CYP2C19: variants seen among roughly 807,000 people sequenced by gnomAD.
CYP2C19 encodes cytochrome P450 2C19.
In CYP2C19, 59 loss-of-function variants were observed where a neutral mutation model predicts 40.9. The ratio of observed to expected loss-of-function variants is 1.44; its 90% CI spans 1.17 to 1.79. The LOEUF (loss-of-function observed/expected upper bound fraction) is 1.79. Ranked by LOEUF, CYP2C19 falls within the 40% of genes most tolerant of loss-of-function variation. CYP2C19 has a pLI of 0.00. For missense variants in CYP2C19, 754 were observed against 596.9 expected (o/e 1.26, Z -2.74); for synonymous variants, 253 against 208.7 (o/e 1.21, Z -1.83).
At chr10:94,763,203 T>G (rs1848196521) in intron 1 of CYP2C19, among the ~76,000 whole-genome samples, 1 of 152,188 alleles carries the variant, frequency 6.6e-6, no homozygotes, top group Non-Finnish European at 1.5e-5. Flanking sequence ...TGTTTGTTAT[T>G]AGAGATTTTA....
In CYP2C19 at chr10:94,775,086, C is replaced by G. The variant is rs763322365; in HGVS notation, c.197C>G (p.Thr66Ser). ...NLSKIYGPVF[T>S]LYFGLERMVV... The stretch of plus-strand genomic sequence containing the variant: ...TCAAAAATCTATGGCCCTGTGTTCA[C>G]TCTGTATTTTGGCCTGGAACGCATG... The change falls in exon 2 of 9, where the codon ACT becomes AGT. Residue 66 changes from threonine to serine, a missense_variant. By Grantham distance (58) the Thr-to-Ser change is moderately conservative. Transcript: ENST00000371321. 5.6e-6 allele frequency: 9 copies of G among 1,614,092 alleles called. No homozygotes were observed. In the South Asian group the frequency reaches 9.9e-5, roughly 18 times the overall value.
At chr10:94,828,765 T>C (rs1286047981) in intron 6 of CYP2C19, among the ~76,000 whole-genome samples, 3 of 152,262 alleles carry the variant, frequency 2.0e-5, no homozygotes, top group Admixed American at 2.0e-4. Context: ...GACTCGATGG[T>C]CTTTACATTT....
chr10:94,835,551 T>G (rs1438394450), intron 6 of CYP2C19, among the ~76,000 whole-genome samples: 1 of 152,148 alleles, frequency 6.6e-6, no homozygotes, highest in Non-Finnish European at 1.5e-5. Flanking sequence ...TCTTTTGGCC[T>G]CAATATCTGC....
rs1471078302 is a variant in CYP2C19, at chr10:94,855,449, A to G, written c.*2535A>G. On this transcript the variant is annotated 3_prime_UTR_variant, in exon 9 of 9. Transcript: ENST00000371321. ...TGTTTGTATTTCTTCCCTAAAATACATATTTCATATGAGAAGAGAACTTTA... is the reference window on the plus strand; with the variant it reads ...TGTTTGTATTTCTTCCCTAAAATACGTATTTCATATGAGAAGAGAACTTTA... 6.6e-6 allele frequency among the ~76,000 whole-genome samples: 1 copy of G among 152,256 alleles called. No individual in the cohort carries two copies.
At chr10:94,799,755 G>A (rs1848738265) in intron 5 of CYP2C19, among the ~76,000 whole-genome samples, 1 of 151,824 alleles carries the variant, frequency 6.6e-6, no homozygotes, top group Non-Finnish European at 1.5e-5. Flanking sequence ...TAATTAATTT[G>A]ATATTTGATC....
chr10:94,774,967 AC>A, intron 1 of CYP2C19, 90 bp from the exon 2 acceptor site: 1 of 1,365,708 alleles, frequency 7.3e-7, no homozygotes, highest in Non-Finnish European at 1.0e-6. Flanking sequence ...ATAAAAGCAT[AC>A]AAATACAATG....
At chr10:94,796,703 T>C (rs1848693599) in intron 5 of CYP2C19, among the ~76,000 whole-genome samples, 1 of 152,154 alleles carries the variant, frequency 6.6e-6, no homozygotes, top group African/African-American at 2.4e-5. Flanking sequence ...CTTGAAGAGG[T>C]CCTTAACATC....
At chr10:94,799,585 G>A (rs1331951576) in intron 5 of CYP2C19, among the ~76,000 whole-genome samples, 1 of 152,108 alleles carries the variant, frequency 6.6e-6, no homozygotes, top group African/African-American at 2.4e-5. Flanking sequence ...ACTTCCTGAA[G>A]AGTGTTTTCC....
intron 5 of CYP2C19, among the ~76,000 whole-genome samples, chr10:94,796,550 A>T (rs891070762): frequency 2.0e-5 from 3 of 152,090 alleles, no homozygotes; most frequent in African/African-American, 7.2e-5. Context: ...TGGTATCTTG[A>T]TGGGGATGGC....
At chr10:94,822,532 C>T (rs544874649) in intron 6 of CYP2C19, among the ~76,000 whole-genome samples, 10 of 152,198 alleles carry the variant, frequency 6.6e-5, no homozygotes, top group African/African-American at 2.4e-4. Context: ...CTACAGTGAA[C>T]ATATTGGTGT....
intron 6 of CYP2C19, among the ~76,000 whole-genome samples, chr10:94,821,519 A>G (rs1849121217): frequency 1.3e-5 from 2 of 152,304 alleles, no homozygotes; most frequent in South Asian, 4.1e-4. Flanking sequence ...GTACCTAAAG[A>G]ATGTTCCATT....
chr10:94,777,455 T>G (rs1217468696), intron 3 of CYP2C19, among the ~76,000 whole-genome samples: 1 of 152,030 alleles, frequency 6.6e-6, no homozygotes, highest in Non-Finnish European at 1.5e-5. Context: ...AAAACAGATA[T>G]ATAGAACAAT....
intron 1 of CYP2C19, among the ~76,000 whole-genome samples, chr10:94,770,654 A>C (rs1848316248): frequency 6.6e-6 from 1 of 152,146 alleles, no homozygotes; most frequent in African/African-American, 2.4e-5. Flanking sequence ...CCTTCTAGTC[A>C]GTTGGGTGAC....
intron 6 of CYP2C19, among the ~76,000 whole-genome samples, chr10:94,839,018 G>A (rs1201801928): frequency 1.3e-5 from 2 of 151,992 alleles, no homozygotes; most frequent in Non-Finnish European, 2.9e-5. Flanking sequence ...TTGCCTTGGG[G>A]GAAATGTTTC....
At chr10:94,770,091 A>G (rs1004234393) in intron 1 of CYP2C19, among the ~76,000 whole-genome samples, 1 of 152,274 alleles carries the variant, frequency 6.6e-6, no homozygotes. Flanking sequence ...TAACACTGAG[A>G]AGGCCACACC....
intron 5 of CYP2C19, among the ~76,000 whole-genome samples, chr10:94,796,467 T>C (rs1848689377): frequency 6.6e-6 from 1 of 152,188 alleles, no homozygotes; most frequent in African/African-American, 2.4e-5. Context: ...AGGATTGACT[T>C]GGCAATGTGG....
chr10:94,855,184 GA>G lies in CYP2C19; in HGVS notation c.*2271del, dbSNP rs757336043. On this transcript the variant is annotated 3_prime_UTR_variant, in exon 9 of 9. Coordinates refer to ENST00000371321, the MANE Select transcript of CYP2C19 (RefSeq NM_000769.4). ...TCTTATTCTCTCTCCCTTATGTAAA[GA>G]CCCTTGTGATTACATGAAACCCACC... Among the ~76,000 whole-genome samples, 2 of 152,060 alleles carry G rather than the reference GA, an allele frequency of 1.3e-5. No homozygotes were observed. The highest frequency in any genetic ancestry group is 2.9e-5 in the Non-Finnish European group (2 of 67,996).
Position 94,825,088 on chromosome 10 carries a change from G to C in CYP2C19, c.961+4451G>C, listed in dbSNP as rs550206230. 4.7e-5 allele frequency among the ~76,000 whole-genome samples: 6 copies of C among 127,066 alleles called. No individual in the cohort carries two copies. In the South Asian group the frequency reaches 1.7e-3, roughly 37 times the overall value. The allele number at this position is 127,066 out of a possible 152,430, so 83.4% of individuals were successfully genotyped here. A position where few individuals can be genotyped will look rare whatever the true frequency, so the allele number is the denominator to read the frequency against. Reference sequence around the variant, plus strand: ...ACATTTGGGTTGGTTCCAAGTCTTTGCTATTGTGAATAATGCCGCAATAAA... The same window carrying C: ...ACATTTGGGTTGGTTCCAAGTCTTTCCTATTGTGAATAATGCCGCAATAAA... On this transcript the variant is annotated intron_variant, in intron 6 of 8. Coordinates refer to ENST00000371321, the MANE Select transcript of CYP2C19 (RefSeq NM_000769.4).
intron 7 of CYP2C19, among the ~76,000 whole-genome samples, chr10:94,848,886 A>G (rs981080193): frequency 2.0e-5 from 3 of 152,104 alleles, no homozygotes; most frequent in Admixed American, 6.6e-5. Context: ...TTTGTCTGTT[A>G]TTGGTGTATA....
Sources: gnomAD v4.1 joint callset for allele counts (sites outside exome capture counted in the v4.1 genomes callset) on GRCh38, gnomAD v4.1.1 for gene constraint, MANE v1.5 for transcripts, NCBI Gene and HGNC (gene_info 2026-07-23, HGNC 2026-07-21) for gene names.